Variants in PRKCH observed in about 807,000 individuals in gnomAD.
PRKCH encodes the protein protein kinase C eta.
Under a neutral mutation model 82.5 loss-of-function variants are expected in PRKCH, and 28 were observed. The observed-to-expected ratio is 0.34, with a 90% CI of 0.25 to 0.47. PRKCH has a LOEUF of 0.47. PRKCH is among the 20% of genes least tolerant of loss of function. The pLI, the probability that PRKCH is intolerant of heterozygous loss-of-function variation, is 1.00. For missense variants in PRKCH, 705 were observed against 881.8 expected (o/e 0.80, Z 2.54); for synonymous variants, 322 against 327.4 (o/e 0.98, Z 0.18).
chr14:61,256,803 G>A (rs1403895302), intron 1 of PRKCH, among the ~76,000 whole-genome samples: 2 of 152,164 alleles, frequency 1.3e-5, no homozygotes, highest in Non-Finnish European at 2.9e-5. Context: ...ACTTAACCAT[G>A]CAGTATTGAT....
At chr14:61,455,332 G>A (rs1423335921) in intron 7 of PRKCH, among the ~76,000 whole-genome samples, 3 of 151,762 alleles carry the variant, frequency 2.0e-5, no homozygotes, top group Admixed American at 6.6e-5. Context: ...GAGCCACCGC[G>A]CCTGGCCTAT....
chr14:61,469,337 T>C (rs1023402571), intron 9 of PRKCH, among the ~76,000 whole-genome samples: 1 of 152,228 alleles, frequency 6.6e-6, no homozygotes, highest in Non-Finnish European at 1.5e-5. Flanking sequence ...ATAGTCCTTA[T>C]GCTACAAAAG....
At chr14:61,540,098 T>C (rs2140027123) in intron 12 of PRKCH, among the ~76,000 whole-genome samples, 1 of 152,328 alleles carries the variant, frequency 6.6e-6, no homozygotes, top group South Asian at 2.1e-4. Flanking sequence ...AAAAAGACCC[T>C]CAGTAGTTTG....
chr14:61,398,918 A>G (rs116731593), intron 2 of PRKCH, among the ~76,000 whole-genome samples: 219 of 152,366 alleles, frequency 1.4e-3, no homozygotes, highest in African/African-American at 4.2e-3. Flanking sequence ...ATTATAAAAG[A>G]AACATTAACT....
At chr14:61,413,105 C>G (rs548926182) in intron 2 of PRKCH, among the ~76,000 whole-genome samples, 10 of 152,270 alleles carry the variant, frequency 6.6e-5, no homozygotes, top group East Asian at 1.9e-4. Context: ...TTCTTTCCCC[C>G]CTTTGCAGCC....
intron 10 of PRKCH, among the ~76,000 whole-genome samples, chr14:61,522,659 T>A (rs1217523136): frequency 1.3e-5 from 2 of 152,264 alleles, no homozygotes; most frequent in Non-Finnish European, 2.9e-5. Flanking sequence ...CTTGATCTAT[T>A]CCCATGTTTT....
intron 3 of PRKCH, among the ~76,000 whole-genome samples, chr14:61,445,405 G>A (rs991448939): frequency 2.6e-5 from 4 of 152,240 alleles, no homozygotes; most frequent in African/African-American, 9.6e-5. Flanking sequence ...ACGTACAGAT[G>A]AGGATTTATT....
chr14:61,521,543 T>C (rs1279693140), intron 10 of PRKCH, among the ~76,000 whole-genome samples: 2 of 151,918 alleles, frequency 1.3e-5, no homozygotes, highest in African/African-American at 4.8e-5. Context: ...AAGATTGATG[T>C]TTTTCTAATC....
chr14:61,541,192 G>T (rs1317052984), intron 12 of PRKCH, among the ~76,000 whole-genome samples: 1 of 152,280 alleles, frequency 6.6e-6, no homozygotes, highest in African/African-American at 2.4e-5. Context: ...GGCAGGAGGG[G>T]TATAAAAGGA....
At chr14:61,389,459 G>A (rs936757372) in intron 1 of PRKCH, among the ~76,000 whole-genome samples, 1 of 152,194 alleles carries the variant, frequency 6.6e-6, no homozygotes, top group African/African-American at 2.4e-5. Flanking sequence ...GAGAGGCTGA[G>A]GTGGGAGGAT....
At chr14:61,411,165 C>T (rs1303811924) in intron 2 of PRKCH, among the ~76,000 whole-genome samples, 1 of 152,186 alleles carries the variant, frequency 6.6e-6, no homozygotes, top group Non-Finnish European at 1.5e-5. Flanking sequence ...CTTTGAGCCA[C>T]CTCAGAAGAC....
Position 61,228,368 on chromosome 14 carries a change from G to A in PRKCH, c.-19+40700G>A, listed in dbSNP as rs79584896. Among the ~76,000 whole-genome samples, 953 of 152,310 alleles carry A rather than the reference G, an allele frequency of 6.3e-3. 7 individuals carry two copies. Among genetic ancestry groups the A allele is most frequent in the Middle Eastern group, 0.014 (4 of 294 alleles). On this transcript the variant is annotated intron_variant, in intron 1 of 3. Transcript: ENST00000555185. ...AATGTGTTGCGCTCTGTTTATAGGA[G>A]CTTTTTGCTGACAGCACGGAACCTG...
At chr14:61,349,029 T>C (rs2046036130) in intron 1 of PRKCH, among the ~76,000 whole-genome samples, 1 of 152,252 alleles carries the variant, frequency 6.6e-6, no homozygotes, top group Admixed American at 6.5e-5. Flanking sequence ...TCCAGAGAAT[T>C]TGATAAAATG....
At chr14:61,453,434 C>T (rs1180523479) in intron 7 of PRKCH, 81 bp downstream of exon 7, 3 of 1,465,338 alleles carry the variant, frequency 2.0e-6, no homozygotes, top group African/African-American at 1.4e-5. Flanking sequence ...CATGTGGCCT[C>T]ATCAAAGTTC....
At chr14:61,490,896 T>TG (rs1331063471) in intron 10 of PRKCH, among the ~76,000 whole-genome samples, 1 of 152,012 alleles carries the variant, frequency 6.6e-6, no homozygotes, top group African/African-American at 2.4e-5. Context: ...CCAACCTGGG[T>TG]GACAGAGTGA....
intron 1 of PRKCH, among the ~76,000 whole-genome samples, chr14:61,197,349 T>C (rs2044448279): frequency 6.6e-6 from 1 of 152,238 alleles, no homozygotes; most frequent in African/African-American, 2.4e-5. Context: ...GGGTTATGTT[T>C]TATTCTTTTT....
In PRKCH at chr14:61,294,091, T is replaced by A. The variant is rs1380434463; in HGVS notation, c.-19+106423T>A. Reference sequence around the variant, plus strand: ...GATGTGGGATTTAACAGAGAGACACTAGTTGGACATTGTTTGAAGTTTTAT... The same window carrying A: ...GATGTGGGATTTAACAGAGAGACACAAGTTGGACATTGTTTGAAGTTTTAT... On this transcript the variant is annotated intron_variant, in intron 1 of 3. Coordinates refer to the PRKCH transcript ENST00000555185. Among the ~76,000 whole-genome samples the A allele has an allele frequency of 2.6e-5, 4 of 152,088 alleles. No homozygotes were observed. The East Asian group carries it at 7.7e-4, about 29-fold the overall frequency.
At chr14:61,521,326 T>G (rs115226880) in intron 10 of PRKCH, among the ~76,000 whole-genome samples, 1 of 152,180 alleles carries the variant, frequency 6.6e-6, no homozygotes, top group African/African-American at 2.4e-5. Context: ...GCAGCTTTCA[T>G]AAGATTCTGT....
chr14:61,324,925 A>G (rs1257541851), intron 1 of PRKCH, among the ~76,000 whole-genome samples: 3 of 152,236 alleles, frequency 2.0e-5, no homozygotes, highest in South Asian at 4.1e-4. Flanking sequence ...AAAAAAAACT[A>G]TTGAAGTTGC....
Sources: allele counts gnomAD v4.1 joint callset (sites outside exome capture counted in the v4.1 genomes callset), GRCh38; gene constraint gnomAD v4.1.1; transcripts MANE v1.5; gene names NCBI Gene and HGNC (gene_info 2026-07-23, HGNC 2026-07-21).